ZFPM2: variants seen among roughly 807,000 people sequenced by gnomAD.
ZFPM2 encodes the protein zinc finger protein, FOG family member 2, also known as zinc finger protein ZFPM2.
In ZFPM2, 20 loss-of-function variants were observed where a neutral mutation model predicts 98.6. The observed-to-expected ratio is 0.20, with a 90% CI of 0.14 to 0.29. The LOEUF is 0.29. ZFPM2 is among the 10% of genes least tolerant of loss of function. The pLI is 1.00. For missense variants in ZFPM2, 1,310 were observed against 1,388.6 expected, an observed-to-expected ratio of 0.94 and a Z score of 0.90; for synonymous variants, 518 against 502.7, an observed-to-expected ratio of 1.03 and a Z score of -0.41.
chr8:105,385,407 A>C (rs556435296), intron 1 of ZFPM2, among the ~76,000 whole-genome samples: 4 of 152,266 alleles, frequency 2.6e-5, no homozygotes, highest in African/African-American at 9.6e-5. Context: ...CAACTATTTC[A>C]TCTCATTTCT....
chr8:105,385,591 A>G (rs1483598356), intron 1 of ZFPM2, among the ~76,000 whole-genome samples: 1 of 152,160 alleles, frequency 6.6e-6, no homozygotes, highest in Non-Finnish European at 1.5e-5. Flanking sequence ...TAATGTACGT[A>G]TCTTAGTGAA....
chr8:105,776,755 T>C (rs1024526001), intron 5 of ZFPM2, among the ~76,000 whole-genome samples: 1 of 152,218 alleles, frequency 6.6e-6, no homozygotes, highest in African/African-American at 2.4e-5. Context: ...TATTTCCTGG[T>C]ATTCAAGGAA....
intron 4 of ZFPM2, among the ~76,000 whole-genome samples, chr8:105,604,643 C>T (rs1816160270): frequency 6.6e-6 from 1 of 151,978 alleles, no homozygotes; most frequent in Admixed American, 6.6e-5. Flanking sequence ...ATCTTGATGC[C>T]TCTGCTTTTG....
chr8:105,800,664 G>A (rs964523239), intron 7 of ZFPM2, among the ~76,000 whole-genome samples: 6 of 152,068 alleles, frequency 3.9e-5, no homozygotes, highest in African/African-American at 1.4e-4. Context: ...CTAATGTAGA[G>A]GCTAATGTTA....
At chr8:105,738,283 G>T (rs1285428989) in intron 5 of ZFPM2, among the ~76,000 whole-genome samples, 1 of 151,974 alleles carries the variant, frequency 6.6e-6, no homozygotes, top group African/African-American at 2.4e-5. Flanking sequence ...TTGGTTTTCT[G>T]TTCCTGTGTT....
intron 5 of ZFPM2, among the ~76,000 whole-genome samples, chr8:105,755,460 A>G (rs959532038): frequency 6.6e-6 from 1 of 152,170 alleles, no homozygotes; most frequent in Admixed American, 6.6e-5. Flanking sequence ...AATGCATTAC[A>G]AAAGAACTGG....
At chr8:105,795,608 TAAA>T (rs200499086) in intron 6 of ZFPM2, 239 of 170,846 alleles carry the variant, frequency 1.4e-3, no homozygotes, top group East Asian at 3.3e-3. Context: ...GCAAAAAGGT[TAAA>T]AAAAAAAAAA....
chr8:105,560,673 A>G (rs989359680), intron 3 of ZFPM2, among the ~76,000 whole-genome samples: 1 of 148,690 alleles, frequency 6.7e-6, no homozygotes, highest in Non-Finnish European at 1.5e-5. Flanking sequence ...TTCTTACTTT[A>G]TGCAAGTGTG....
chr8:105,772,970 G>A (rs1324303256), intron 5 of ZFPM2, among the ~76,000 whole-genome samples: 1 of 152,160 alleles, frequency 6.6e-6, no homozygotes, highest in Non-Finnish European at 1.5e-5. Context: ...AGCATTGGAG[G>A]ATAGTCTGTA....
chr8:105,650,843 T>A (rs554443670), intron 5 of ZFPM2, among the ~76,000 whole-genome samples: 194 of 152,306 alleles, frequency 1.3e-3, no homozygotes, highest in Non-Finnish European at 1.9e-3. Flanking sequence ...CTGAGAAGAA[T>A]GTTGATTTGC....
At chr8:105,389,787 GAGA>G (rs1316304253) in intron 1 of ZFPM2, among the ~76,000 whole-genome samples, 3 of 152,160 alleles carry the variant, frequency 2.0e-5, no homozygotes, top group African/African-American at 7.2e-5. Context: ...AGCTATGTCT[GAGA>G]AGAATAATCT....
At chr8:105,499,704 C>G (rs1813550255) in intron 3 of ZFPM2, among the ~76,000 whole-genome samples, 1 of 151,984 alleles carries the variant, frequency 6.6e-6, no homozygotes, top group African/African-American at 2.4e-5. Flanking sequence ...CTCCTCACAC[C>G]CTGTATAAAT....
intron 5 of ZFPM2, among the ~76,000 whole-genome samples, chr8:105,691,849 G>A (rs1275695712): frequency 6.6e-6 from 1 of 152,172 alleles, no homozygotes; most frequent in African/African-American, 2.4e-5. Context: ...CTCCTTTAGA[G>A]TTTATCTCAT....
intron 5 of ZFPM2, among the ~76,000 whole-genome samples, chr8:105,767,400 T>C (rs1812878192): frequency 6.6e-6 from 1 of 151,882 alleles, no homozygotes; most frequent in South Asian, 2.1e-4. Flanking sequence ...ACAAACTCAC[T>C]AGAATATAGT....
At chr8:105,789,905 G>A (rs1333713628) in intron 6 of ZFPM2, among the ~76,000 whole-genome samples, 3 of 149,970 alleles carry the variant, frequency 2.0e-5, no homozygotes, top group Non-Finnish European at 4.5e-5. Flanking sequence ...GTCTGTTCAT[G>A]TCCTTCGCCC....
intron 1 of ZFPM2, among the ~76,000 whole-genome samples, chr8:105,403,627 T>G (rs182814670): frequency 7.9e-5 from 12 of 152,170 alleles, no homozygotes; most frequent in Admixed American, 6.6e-4. Flanking sequence ...GTTCCACACT[T>G]TTCCTCCAGC....
chr8:105,377,305 G>A lies in ZFPM2; in HGVS notation c.41-41839G>A, dbSNP rs571973363. ...ACCATATTTTGCTTAGTTTGTTTATGCAGTTTATTTATCTATTTATTCACT... is the reference window on the plus strand; with the variant it reads ...ACCATATTTTGCTTAGTTTGTTTATACAGTTTATTTATCTATTTATTCACT... On this transcript the variant is annotated intron_variant, in intron 1 of 7. Coordinates refer to ENST00000407775, the MANE Select transcript of ZFPM2 (RefSeq NM_012082.4). Among the ~76,000 whole-genome samples the A allele has an allele frequency of 5.9e-5, 9 of 152,108 alleles. No individual in the cohort carries two copies. In the South Asian group the frequency reaches 1.5e-3, roughly 25 times the overall value.
chr8:105,356,495 A>G (rs1812749822), intron 1 of ZFPM2, among the ~76,000 whole-genome samples: 1 of 152,214 alleles, frequency 6.6e-6, no homozygotes, highest in Non-Finnish European at 1.5e-5. Flanking sequence ...TTGTAAGATC[A>G]AAAGGATCTG....
At chr8:105,517,707 C>CACACCACACACACACA (rs61552974) in intron 3 of ZFPM2, among the ~76,000 whole-genome samples, 21 of 124,980 alleles carry the variant, frequency 1.7e-4, no homozygotes, top group African/African-American at 6.0e-4. Context: ...CACACACACA[C>CACACCACACACACACA]CACACACACA....
Sources: allele counts gnomAD v4.1 joint callset (sites outside exome capture counted in the v4.1 genomes callset), GRCh38; gene constraint gnomAD v4.1.1; transcripts MANE v1.5; gene names NCBI Gene and HGNC (gene_info 2026-07-23, HGNC 2026-07-21).